Variants in EYS observed in about 807,000 individuals in gnomAD.
The protein encoded by EYS is EGF-like photoreceptor maintenance factor.
A neutral mutation model predicts 282.1 loss-of-function variants in EYS; 250 were observed. That is an observed-to-expected ratio of 0.89 (90% CI 0.80 to 0.98). The LOEUF is 0.98. EYS is among the 50% of genes least tolerant of loss of function. The pLI, the probability that EYS is intolerant of heterozygous loss-of-function variation, is 0.00. For synonymous variants in EYS, 1,355 were observed against 1,282.9 expected (o/e 1.06, Z -1.20); for missense variants, 4,016 against 3,709.0 (o/e 1.08, Z -2.15).
intron 29 of EYS, chr6:64,379,571 T>C (rs1173989507): frequency 6.6e-6 from 1 of 152,144 alleles, no homozygotes; most frequent in Non-Finnish European, 1.5e-5. Flanking sequence ...TTTTGTTGAT[T>C]TGTTTTTGTT....
At chr6:64,659,638 T>G (rs1469626435) in intron 22 of EYS, among the ~76,000 whole-genome samples, 1 of 152,030 alleles carries the variant, frequency 6.6e-6, no homozygotes, top group Admixed American at 6.6e-5. Context: ...AAATCCAGAA[T>G]AAATATATAA....
chr6:64,287,996 C>T (rs1768558600), intron 30 of EYS, among the ~76,000 whole-genome samples: 1 of 152,076 alleles, frequency 6.6e-6, no homozygotes, highest in African/African-American at 2.4e-5. Flanking sequence ...CAAAACACTA[C>T]AAGTAAATGA....
intron 31 of EYS, among the ~76,000 whole-genome samples, chr6:64,227,338 AAAG>A (rs1169759534): frequency 6.6e-6 from 1 of 152,088 alleles, no homozygotes; most frequent in African/African-American, 2.4e-5. Context: ...CTTATTTTTT[AAAG>A]AAAACTCTCT....
chr6:65,291,389 A>G (rs1169994699), intron 12 of EYS, among the ~76,000 whole-genome samples: 2 of 151,584 alleles, frequency 1.3e-5, no homozygotes, highest in African/African-American at 4.8e-5. Context: ...TACCAAATCA[A>G]CAACCACTCA....
chr6:64,512,126 T>C (rs1051580317), intron 26 of EYS, among the ~76,000 whole-genome samples: 3 of 152,034 alleles, frequency 2.0e-5, no homozygotes, highest in Admixed American at 2.0e-4. Context: ...TACATGCATA[T>C]ATACACACAT....
rs1271338698 is a variant in EYS at position 64,080,598 on chromosome 6, T to C, written c.6571+1258A>G. On this transcript the variant is annotated intron_variant, in intron 32 of 42. Transcript: ENST00000503581. ...GGTCAATTTTGGCTTTTGTTGCCAT[T>C]GCTTCTGGTGTTTTAGACATGAAGT... Among the ~76,000 whole-genome samples the C allele has an allele frequency of 4.6e-5, 7 of 152,352 alleles. No homozygotes were observed. In the East Asian group the frequency reaches 9.6e-4, roughly 21 times the overall value.
At chr6:65,542,581 T>C (rs1413182249) in intron 2 of EYS, among the ~76,000 whole-genome samples, 1 of 151,882 alleles carries the variant, frequency 6.6e-6, no homozygotes, top group African/African-American at 2.4e-5. Flanking sequence ...ATTAGAATAT[T>C]TGGTCTTGAC....
In EYS at chr6:63,789,370, GT is replaced by G. The variant is rs1770451117; in HGVS notation, c.7412-147del. 5.4e-6 allele frequency: 4 copies of G among 739,518 alleles called. No individual in the cohort carries two copies. The East Asian group carries it at 1.1e-4, about 21-fold the overall frequency. 45.8% of individuals were successfully genotyped at this position (739,518 alleles called of 1,614,324 possible). A position where few individuals can be genotyped will look rare whatever the true frequency, so the allele number is the denominator to read the frequency against. The stretch of plus-strand genomic sequence containing the variant: ...GTCTCTAGTCAGCATTTAGGTATAT[GT>G]GCAACTGGCTGTTGTTATTCCCAGC... On this transcript the variant is annotated intron_variant, in intron 37 of 42. Transcript: ENST00000503581.
At chr6:65,613,478 G>C (rs1368115084) in intron 2 of EYS, among the ~76,000 whole-genome samples, 1 of 151,642 alleles carries the variant, frequency 6.6e-6, no homozygotes, top group Non-Finnish European at 1.5e-5. Flanking sequence ...TGGTACACTG[G>C]GTAAGATCAT....
At chr6:64,420,926 T>C (rs1264486769) in intron 28 of EYS, among the ~76,000 whole-genome samples, 1 of 152,196 alleles carries the variant, frequency 6.6e-6, no homozygotes, top group East Asian at 1.9e-4. Flanking sequence ...CTTTCCCACA[T>C]TTTTCTTTCT....
At position 63,806,275 on chromosome 6, in the gene EYS, A is replaced by G. The variant is rs1770906719; in HGVS notation, c.7326T>C (p.Tyr2442=). The G allele has an allele frequency of 1.9e-6, 3 of 1,551,682 alleles. No individual in the cohort carries two copies. The East Asian group carries it at 7.3e-5, about 38-fold the overall frequency. The change falls in exon 37 of 43, where the codon TAT becomes TAC. Residue 2442 remains tyrosine, a synonymous_variant. Transcript: ENST00000503581. ...CCAGCTGAAACTTCAGGTGGAATTC[A>G]TAATGGAAGCTGATGTCTGAGATCC... The part of the protein sequence containing the change: ...YSRISDISFH[Y]EFHLKFQLAN...
intron 13 of EYS, among the ~76,000 whole-genome samples, chr6:65,026,321 T>G (rs1772406677): frequency 6.6e-6 from 1 of 152,222 alleles, no homozygotes; most frequent in Non-Finnish European, 1.5e-5. Flanking sequence ...AAATGAAGAT[T>G]GTTTAGAATT....
intron 35 of EYS, among the ~76,000 whole-genome samples, chr6:63,888,917 T>A (rs1474457581): frequency 1.3e-5 from 2 of 152,194 alleles, no homozygotes; most frequent in African/African-American, 4.8e-5. Flanking sequence ...AATTTCAAAC[T>A]AGGGTAACCA....
intron 12 of EYS, among the ~76,000 whole-genome samples, chr6:65,213,173 T>C (rs1284339790): frequency 6.6e-6 from 1 of 152,156 alleles, no homozygotes; most frequent in Non-Finnish European, 1.5e-5. Flanking sequence ...TTACTTAAAA[T>C]AGAATTTTGA....
intron 13 of EYS, among the ~76,000 whole-genome samples, chr6:65,032,280 A>T (rs1341485149): frequency 6.6e-6 from 1 of 152,192 alleles, no homozygotes; most frequent in Non-Finnish European, 1.5e-5. Context: ...CCATGACCAG[A>T]TGTATTCAGA....
intron 2 of EYS, among the ~76,000 whole-genome samples, chr6:65,553,630 G>A (rs186477337): frequency 5.3e-5 from 8 of 152,090 alleles, no homozygotes; most frequent in African/African-American, 1.4e-4. Context: ...TTAACACTTA[G>A]AAATCTTGCT....
chr6:64,948,413 A>G (rs925211045), intron 14 of EYS, among the ~76,000 whole-genome samples: 5 of 149,084 alleles, frequency 3.4e-5, no homozygotes, highest in African/African-American at 7.3e-5. Context: ...TGGTCAATAC[A>G]GTGGCCAGAA....
intron 12 of EYS, among the ~76,000 whole-genome samples, chr6:65,295,427 G>A (rs1440290912): frequency 7.2e-5 from 11 of 151,746 alleles, no homozygotes; most frequent in Admixed American, 1.3e-4. Flanking sequence ...TTAACGTCAC[G>A]GCATCAAACT....
chr6:64,580,069 T>C (rs1459057374), intron 26 of EYS, among the ~76,000 whole-genome samples: 1 of 152,166 alleles, frequency 6.6e-6, no homozygotes, highest in Non-Finnish European at 1.5e-5. Flanking sequence ...ACTTCAACAT[T>C]TTTATAGCTT....
Sources: allele counts gnomAD v4.1 joint callset (sites outside exome capture counted in the v4.1 genomes callset), GRCh38; gene constraint gnomAD v4.1.1; transcripts MANE v1.5; gene names NCBI Gene and HGNC (gene_info 2026-07-23, HGNC 2026-07-21).